PLAT: variants seen among roughly 807,000 people sequenced by gnomAD.
PLAT encodes the protein tissue-type plasminogen activator.
PLAT carries 48 observed loss-of-function variants against 74.9 expected under a neutral mutation model. The ratio of observed to expected loss-of-function variants is 0.64; its 90% confidence interval spans 0.51 to 0.82. The LOEUF is 0.82. Ranked by LOEUF, PLAT falls within the 40% of genes least tolerant of loss-of-function variation. The pLI is 0.00. For synonymous variants in PLAT, 307 were observed against 294.4 expected (o/e 1.04, Z -0.44); for missense variants, 673 against 736.2 (o/e 0.91, Z 0.99).
intron 7 of PLAT, among the ~76,000 whole-genome samples, chr8:42,183,314 C>T (rs1322733353): frequency 6.6e-6 from 1 of 152,092 alleles, no homozygotes; most frequent in Non-Finnish European, 1.5e-5. Context: ...GAGCCTTTTT[C>T]CCCCTCTTTG....
intron 8 of PLAT, 84 bp downstream of exon 8, chr8:42,182,635 C>T (rs1805293308): frequency 1.9e-6 from 2 of 1,064,884 alleles, no homozygotes; most frequent in South Asian, 3.1e-5. Context: ...TGTCATGCAA[C>T]TTGAGACATT....
intron 1 of PLAT, among the ~76,000 whole-genome samples, chr8:42,203,992 T>TATATATATATATATATACACACACACAC (rs1554499838): frequency 3.3e-4 from 36 of 109,846 alleles, no homozygotes; most frequent in African/African-American, 1.7e-3. Context: ...TATATATATA[T>TATATATATATATATATACACACACACAC]ACACACACAC....
chr8:42,178,619 AAT>A (rs1201348215), intron 13 of PLAT, among the ~76,000 whole-genome samples: 1 of 152,274 alleles, frequency 6.6e-6, no homozygotes, highest in East Asian at 1.9e-4. Flanking sequence ...TTCAATAGTC[AAT>A]CAATTGCCTG....
At position 42,181,920 on chromosome 8, in the gene PLAT, CG is replaced by C. The variant is rs757713270; in HGVS notation, c.889+16del. ...GGGAGACCAGGTGCAGGGAGGCAGCCGGGGCCCAGCCCTTACAGCAGGAGGG... is the reference window on the plus strand; with the variant it reads ...GGGAGACCAGGTGCAGGGAGGCAGCCGGGCCCAGCCCTTACAGCAGGAGGG... On this transcript the variant is annotated intron_variant, in intron 9 of 13. Coordinates refer to ENST00000220809, the MANE Select transcript of PLAT (RefSeq NM_000930.5). 1.3e-6 allele frequency: 2 copies of C among 1,548,682 alleles called. No individual in the cohort carries two copies. Among genetic ancestry groups the C allele is most frequent in the Admixed American group, 1.7e-5 (1 of 59,872 alleles).
intron 1 of PLAT, among the ~76,000 whole-genome samples, chr8:42,196,114 G>A (rs768597098): frequency 2.6e-5 from 4 of 152,204 alleles, no homozygotes; most frequent in Non-Finnish European, 5.9e-5. Context: ...GGACATGTTG[G>A]CATTGCCTGG....
At chr8:42,187,216 CATCTATCATCTATCA>C (rs1194478781) in intron 6 of PLAT, 167 bp downstream of exon 6, 3 of 502,148 alleles carry the variant, frequency 6.0e-6, no homozygotes, top group African/African-American at 3.8e-5. Context: ...TATCACCTAT[CATCTATCATCTATCA>C]ATCTATCATC....
intron 1 of PLAT, among the ~76,000 whole-genome samples, chr8:42,206,130 CA>C (rs1011178875): frequency 2.6e-5 from 4 of 152,198 alleles, no homozygotes; most frequent in African/African-American, 9.7e-5. Flanking sequence ...TGAAATAAAC[CA>C]AGCTGGTCTT....
intron 2 of PLAT, 50 bp downstream of exon 2, chr8:42,193,064 G>T: frequency 7.5e-7 from 1 of 1,326,334 alleles, no homozygotes; most frequent in Non-Finnish European, 1.1e-6. Context: ...TGGAGCCTCC[G>T]GAAGCATCAC....
intron 1 of PLAT, among the ~76,000 whole-genome samples, chr8:42,207,277 A>T (rs1406491909): frequency 6.6e-6 from 1 of 151,992 alleles, no homozygotes; most frequent in Non-Finnish European, 1.5e-5. Context: ...CCTTTCCCCG[A>T]CTGCCTCTCC....
At chr8:42,202,633 C>G (rs1045263954) in intron 1 of PLAT, among the ~76,000 whole-genome samples, 1 of 152,178 alleles carries the variant, frequency 6.6e-6, no homozygotes, top group Middle Eastern at 3.4e-3. Flanking sequence ...GGCACAGGCT[C>G]TGGTGATGCA....
At chr8:42,186,485 C>G (rs1366452394) in intron 6 of PLAT, 1 of 152,202 alleles carries the variant, frequency 6.6e-6, no homozygotes, top group Non-Finnish European at 1.5e-5. Context: ...TCCCAACTTT[C>G]CCGACCAAAC....
intron 1 of PLAT, chr8:42,193,631 G>T: frequency 6.2e-6 from 1 of 161,288 alleles, no homozygotes; most frequent in South Asian, 1.8e-4. Context: ...TCCTAGAAGT[G>T]GAATGAGACA....
intron 1 of PLAT, among the ~76,000 whole-genome samples, chr8:42,196,295 G>A (rs1805902645): frequency 6.6e-6 from 1 of 152,216 alleles, no homozygotes; most frequent in South Asian, 2.1e-4. Context: ...TTGCTCCTGA[G>A]AGAGTTGGAG....
At chr8:42,183,492 C>T (rs1805330837) in intron 7 of PLAT, among the ~76,000 whole-genome samples, 1 of 151,996 alleles carries the variant, frequency 6.6e-6, no homozygotes, top group Non-Finnish European at 1.5e-5. Context: ...TAGGGGTTTC[C>T]TTGTGTTACT....
Position 42,182,432 on chromosome 8 carries a change from C to T in PLAT, c.803+287G>A, listed in dbSNP as rs8178775. ...GACAGAACTGTGAGCTGTCCTGTTA[C>T]GGAACTCTTACAAATCATTGCAATA... On this transcript the variant is annotated intron_variant, in intron 8 of 13. Coordinates refer to ENST00000220809, the MANE Select transcript of PLAT (RefSeq NM_000930.5). 1,721 of 270,062 alleles carry T rather than the reference C, an allele frequency of 6.4e-3. 65 individuals are homozygous for T. The highest frequency in any genetic ancestry group is 0.036 in the African/African-American group (1,616 of 44,522). 16.7% of individuals were successfully genotyped at this position (270,062 alleles called of 1,614,324 possible). A position where few individuals can be genotyped will look rare whatever the true frequency, so the allele number is the denominator to read the frequency against.
chr8:42,179,141 A>G, intron 12 of PLAT, 78 bp from the exon 13 acceptor site: 1 of 938,962 alleles, frequency 1.1e-6, no homozygotes, highest in Non-Finnish European at 1.7e-6. Context: ...CAAATTTTCC[A>G]ATAATAGCTA....
At chr8:42,201,624 A>G (rs963779246) in intron 1 of PLAT, among the ~76,000 whole-genome samples, 1 of 152,200 alleles carries the variant, frequency 6.6e-6, no homozygotes, top group African/African-American at 2.4e-5. Context: ...AACAGTATCA[A>G]CAGGAGCCAT....
At chr8:42,182,956 G>C in intron 7 of PLAT, 66 bp from the exon 8 acceptor site, 1 of 1,361,488 alleles carries the variant, frequency 7.3e-7, no homozygotes, top group Non-Finnish European at 1.0e-6. Flanking sequence ...CAGGGCTGGG[G>C]CTTGAAGCGG....
At chr8:42,186,073 T>C (rs941274092) in intron 6 of PLAT, 2 of 151,792 alleles carry the variant, frequency 1.3e-5, no homozygotes, top group African/African-American at 4.8e-5. Flanking sequence ...CCCAACGTCA[T>C]GAGCCAAGGG....
Sources: gnomAD v4.1 joint callset for allele counts (sites outside exome capture counted in the v4.1 genomes callset) on GRCh38, gnomAD v4.1.1 for gene constraint, MANE v1.5 for transcripts, NCBI Gene and HGNC (gene_info 2026-07-23, HGNC 2026-07-21) for gene names.